The following LEPROTL1 variants were observed in gnomAD, a reference collection of about 807,000 sequenced individuals.
LEPROTL1 encodes leptin receptor overlapping transcript like 1.
Under a neutral mutation model 15.4 loss-of-function variants are expected in LEPROTL1, and 6 were observed. The observed-to-expected ratio is 0.39, with a 90% confidence interval of 0.21 to 0.77. The LOEUF (loss-of-function observed/expected upper bound fraction) is 0.77. Among genes scored for constraint, LEPROTL1 ranks in the 30% least tolerant of loss-of-function variants. LEPROTL1 has a pLI of 0.41. For synonymous variants in LEPROTL1, 56 were observed against 52.6 expected (o/e 1.06, Z -0.28); for missense variants, 128 against 158.1 (o/e 0.81, Z 1.02).
rs888413924 is a variant in LEPROTL1 at position 30,117,486 on chromosome 8, A to T, written c.279+13000A>T. 1.4e-5 allele frequency: 20 copies of T among 1,450,882 alleles called. No homozygotes were observed. In the South Asian group the frequency reaches 1.5e-4, roughly 11 times the overall value. 89.9% of individuals were successfully genotyped at this position (1,450,882 alleles called of 1,614,324 possible). A position where few individuals can be genotyped will look rare whatever the true frequency, so the allele number is the denominator to read the frequency against. Reference sequence around the variant, plus strand: ...TTGTCAGTACAATGAAACCAAACTGAAGGGATGGAAACAGATTTTCTGCCA... The same window carrying T: ...TTGTCAGTACAATGAAACCAAACTGTAGGGATGGAAACAGATTTTCTGCCA... On this transcript the variant is annotated intron_variant, in intron 3 of 4. Coordinates refer to the LEPROTL1 transcript ENST00000442880.
rs1183669511 is a variant in LEPROTL1, at chr8:30,101,980, A to G, written c.92+7A>G. The G allele has an allele frequency of 3.8e-6, 6 of 1,568,020 alleles. No individual in the cohort carries two copies. The highest frequency in any genetic ancestry group is 1.8e-5 in the Admixed American group (1 of 56,290). ...GTGCCCTTCCAATATACAAGTATGT[A>G]AAATGTTTGTCTTTCTGAATATTTA... On this transcript the variant is annotated splice_region_variant and intron_variant, in intron 2 of 3. Transcript: ENST00000321250.
At position 30,107,255 on chromosome 8, in the gene LEPROTL1, C is replaced by T. The variant is rs970880919; in HGVS notation, c.*1393C>T. 6.1e-6 allele frequency: 6 copies of T among 985,278 alleles called. No individual in the cohort carries two copies. The highest frequency in any genetic ancestry group is 3.6e-6 in the Non-Finnish European group (3 of 829,912). The allele number at this position is 985,278 out of a possible 1,614,324, so 61.0% of individuals were successfully genotyped here. A position where few individuals can be genotyped will look rare whatever the true frequency, so the allele number is the denominator to read the frequency against. On this transcript the variant is annotated 3_prime_UTR_variant, in exon 4 of 4. Coordinates refer to ENST00000321250, the MANE Select transcript of LEPROTL1 (RefSeq NM_015344.3). The stretch of plus-strand genomic sequence containing the variant: ...AGAAACATACCTGACCAAAAAATTC[C>T]CAGTAACCAGGCATGATCAATTTAT...
intron 3 of LEPROTL1, among the ~76,000 whole-genome samples, chr8:30,128,488 C>T (rs926840412): frequency 3.9e-5 from 6 of 152,034 alleles, no homozygotes; most frequent in South Asian, 2.1e-4. Flanking sequence ...CAGTGGCTCA[C>T]GGCTATAATC....
In LEPROTL1 at chr8:30,132,805, A is replaced by G. The variant is rs774240200; in HGVS notation, c.394+316A>G. On this transcript the variant is annotated intron_variant, in intron 4 of 4. Coordinates refer to the LEPROTL1 transcript ENST00000442880. ...CTCAGACAAAGAGCTCCTGCTCCTG[A>G]AGCCTCCAGATGCTGCCTTCACTTT... 1.0e-5 allele frequency: 16 copies of G among 1,551,652 alleles called. No individual in the cohort carries two copies. The Admixed American group carries it at 2.7e-4, about 27-fold the overall frequency.
downstream of LEPROTL1, among the ~76,000 whole-genome samples, chr8:30,113,370 A>G (rs116780776): frequency 3.4e-3 from 520 of 152,268 alleles, 3 homozygotes; most frequent in African/African-American, 0.012. Flanking sequence ...TTTCTGAGAA[A>G]ACGAAAACAT....
At chr8:30,134,428 AC>A (rs1803095201) in intron 4 of LEPROTL1, among the ~76,000 whole-genome samples, 1 of 151,740 alleles carries the variant, frequency 6.6e-6, no homozygotes, top group South Asian at 2.1e-4. Context: ...TCTCAAAAAA[AC>A]AAAACAAAAA....
intron 4 of LEPROTL1, among the ~76,000 whole-genome samples, chr8:30,134,546 T>C (rs949065616): frequency 1.3e-5 from 2 of 152,192 alleles, no homozygotes; most frequent in African/African-American, 4.8e-5. Flanking sequence ...TCATTTTCTT[T>C]TTTTATTTTT....
At chr8:30,131,071 GGT>G (rs1331993570) in intron 3 of LEPROTL1, among the ~76,000 whole-genome samples, 1 of 151,794 alleles carries the variant, frequency 6.6e-6, no homozygotes, top group Admixed American at 6.6e-5. Context: ...TGGGATTACA[GGT>G]GTGAGCCACA....
intron 3 of LEPROTL1, among the ~76,000 whole-genome samples, chr8:30,128,596 A>G (rs1285654841): frequency 6.6e-6 from 1 of 151,890 alleles, no homozygotes; most frequent in Non-Finnish European, 1.5e-5. Flanking sequence ...ACAAAAAATA[A>G]AAAAAATTAG....
At chr8:30,131,310 A>G (rs916111411) in intron 3 of LEPROTL1, among the ~76,000 whole-genome samples, 5 of 83,290 alleles carry the variant, frequency 6.0e-5, no homozygotes, top group South Asian at 8.7e-4. Flanking sequence ...GTGTGTGTAT[A>G]TATATATATA....
intron 4 of LEPROTL1, among the ~76,000 whole-genome samples, chr8:30,136,121 T>C (rs907319045): frequency 1.3e-5 from 2 of 152,130 alleles, no homozygotes; most frequent in African/African-American, 4.8e-5. Context: ...TCATTCACTC[T>C]CTATTATGGA....
chr8:30,108,593 G>A (rs369485252), downstream of LEPROTL1: 1 of 151,508 alleles, frequency 6.6e-6, no homozygotes, highest in Admixed American at 6.6e-5. Flanking sequence ...TTTAGGCTGT[G>A]GACACTAAAT....
intron 3 of LEPROTL1, among the ~76,000 whole-genome samples, chr8:30,128,369 C>A (rs191947679): frequency 2.0e-5 from 3 of 152,244 alleles, no homozygotes; most frequent in Admixed American, 6.5e-5. Context: ...GGCCAGATTG[C>A]ATTTTAAAAG....
At chr8:30,130,108 T>C (rs982607926) in intron 3 of LEPROTL1, among the ~76,000 whole-genome samples, 1 of 152,190 alleles carries the variant, frequency 6.6e-6, no homozygotes, top group Non-Finnish European at 1.5e-5. Context: ...AAAAGCTTAT[T>C]TGCAATTTTA....
chr8:30,104,611 A>T (rs1397637202), intron 3 of LEPROTL1, 125 bp downstream of exon 3: 1 of 513,212 alleles, frequency 1.9e-6, no homozygotes, highest in Non-Finnish European at 3.3e-6. Context: ...GATAGAGATT[A>T]AAATCTCACT....
chr8:30,134,163 G>A lies in LEPROTL1; in HGVS notation c.394+1674G>A, dbSNP rs553944192. On this transcript the variant is annotated intron_variant, in intron 4 of 4. Coordinates refer to the LEPROTL1 transcript ENST00000442880. ...TTACCAGCTGGGTGTGGTGGCTCAC[G>A]CCTGTAATCCCAGCACTTTGGGAGG... is the stretch of plus-strand genomic sequence containing the variant. Among the ~76,000 whole-genome samples the A allele has an allele frequency of 1.2e-4, 18 of 152,148 alleles. No homozygotes were observed. The South Asian group carries it at 3.1e-3, about 26-fold the overall frequency.
At chr8:30,128,554 C>T (rs887876274) in intron 3 of LEPROTL1, among the ~76,000 whole-genome samples, 1 of 151,962 alleles carries the variant, frequency 6.6e-6, no homozygotes, top group Non-Finnish European at 1.5e-5. Context: ...AATTCGAGAC[C>T]AGCCTGGGCA....
At chr8:30,114,560 G>A (rs992908659) in intron 3 of LEPROTL1, among the ~76,000 whole-genome samples, 1 of 152,110 alleles carries the variant, frequency 6.6e-6, no homozygotes, top group African/African-American at 2.4e-5. Flanking sequence ...CAAAGTGTTG[G>A]GATTGCAGGC....
chr8:30,097,665 CTG>C (rs1183093362), intron 1 of LEPROTL1, among the ~76,000 whole-genome samples: 1 of 66,398 alleles, frequency 1.5e-5, no homozygotes, highest in Non-Finnish European at 3.1e-5. Context: ...GAGTGAGACT[CTG>C]TCTCAAAAAA....
Sources: allele counts gnomAD v4.1 joint callset (sites outside exome capture counted in the v4.1 genomes callset), GRCh38; gene constraint gnomAD v4.1.1; transcripts MANE v1.5; gene names NCBI Gene and HGNC (gene_info 2026-07-23, HGNC 2026-07-21).